Variants in NLK observed in about 807,000 individuals in gnomAD.
The protein encoded by NLK is serine/threonine-protein kinase NLK.
Under a neutral mutation model 59.0 loss-of-function variants are expected in NLK, and 11 were observed. The observed-to-expected ratio is 0.19, with a 90% CI of 0.12 to 0.31. The LOEUF is 0.31. NLK is among the 10% of genes least tolerant of loss of function. The probability of loss-of-function intolerance (pLI) is 1.00; values close to 1 mark genes in which losing one functional copy is unlikely to be tolerated. For missense variants in NLK, 410 were observed against 661.1 expected (o/e 0.62, Z 4.16); for synonymous variants, 235 against 235.9 (o/e 1.00, Z 0.03).
intron 3 of NLK, among the ~76,000 whole-genome samples, chr17:28,159,820 TTG>T (rs1248709912): frequency 6.6e-6 from 1 of 152,214 alleles, no homozygotes; most frequent in Non-Finnish European, 1.5e-5. Context: ...TCTAGCAGTC[TTG>T]GGCCAGAGTA....
At chr17:28,047,529 A>G (rs929927150) in intron 1 of NLK, among the ~76,000 whole-genome samples, 1 of 152,254 alleles carries the variant, frequency 6.6e-6, no homozygotes, top group Non-Finnish European at 1.5e-5. Context: ...ATGGATTTAT[A>G]TACTGGGAAA....
intron 4 of NLK, 70 bp downstream of exon 4, chr17:28,161,336 T>C: frequency 1.2e-6 from 1 of 810,510 alleles, no homozygotes; most frequent in South Asian, 1.6e-5. Flanking sequence ...TCATTTAGAC[T>C]TTAATCCGAT....
intron 1 of NLK, among the ~76,000 whole-genome samples, chr17:28,080,967 G>T (rs557231956): frequency 2.2e-4 from 33 of 151,818 alleles, no homozygotes; most frequent in South Asian, 6.3e-4. Flanking sequence ...ATGGCTCACT[G>T]CAGCATCAAC....
intron 1 of NLK, among the ~76,000 whole-genome samples, chr17:28,069,015 A>G (rs1463819325): frequency 6.6e-6 from 1 of 152,160 alleles, no homozygotes; most frequent in Non-Finnish European, 1.5e-5. Flanking sequence ...GTACCACCCA[A>G]TCAAGATACA....
At chr17:28,064,992 A>G (rs534146119) in intron 1 of NLK, among the ~76,000 whole-genome samples, 61 of 152,350 alleles carry the variant, frequency 4.0e-4, no homozygotes, top group African/African-American at 1.4e-3. Context: ...GGAGAAAAAC[A>G]GTGATTAATT....
chr17:28,158,419 A>C (rs1277608778), intron 3 of NLK, among the ~76,000 whole-genome samples: 2 of 152,204 alleles, frequency 1.3e-5, no homozygotes, highest in Non-Finnish European at 2.9e-5. Flanking sequence ...TGAATTTGAA[A>C]GCCTAGAACA....
At chr17:28,119,769 C>T (rs1301267979) in intron 1 of NLK, among the ~76,000 whole-genome samples, 1 of 152,144 alleles carries the variant, frequency 6.6e-6, no homozygotes, top group Non-Finnish European at 1.5e-5. Flanking sequence ...CTGGCAGACA[C>T]CTCATTCAAG....
At chr17:28,109,313 GA>G (rs1905361133) in intron 1 of NLK, among the ~76,000 whole-genome samples, 1 of 152,160 alleles carries the variant, frequency 6.6e-6, no homozygotes, top group Non-Finnish European at 1.5e-5. Flanking sequence ...AATAAAATCA[GA>G]ATAGGGCCTA....
At chr17:28,156,386 CATT>C (rs781133821) in intron 3 of NLK, among the ~76,000 whole-genome samples, 3 of 152,150 alleles carry the variant, frequency 2.0e-5, no homozygotes, top group Non-Finnish European at 2.9e-5. Flanking sequence ...ACAATTATGC[CATT>C]ATCACACCTA....
chr17:28,134,396 G>A (rs949652934), intron 3 of NLK, among the ~76,000 whole-genome samples: 3 of 151,992 alleles, frequency 2.0e-5, no homozygotes, highest in South Asian at 2.1e-4. Flanking sequence ...GTGAGACCTC[G>A]CCCTCCCGCC....
intron 3 of NLK, among the ~76,000 whole-genome samples, chr17:28,146,143 G>A (rs1196326926): frequency 6.6e-6 from 1 of 152,154 alleles, no homozygotes; most frequent in Non-Finnish European, 1.5e-5. Context: ...ATATCAGGCA[G>A]CTCTGAGTTC....
chr17:28,185,095 C>A, intron 7 of NLK, 84 bp from the exon 8 acceptor site: 1 of 717,194 alleles, frequency 1.4e-6, no homozygotes, highest in Non-Finnish European at 2.2e-6. Flanking sequence ...GAACTGAGTA[C>A]TTACCTTATC....
chr17:28,102,597 C>A (rs1356637481), intron 1 of NLK, among the ~76,000 whole-genome samples: 1 of 148,758 alleles, frequency 6.7e-6, no homozygotes. Flanking sequence ...TGCAGTGAGC[C>A]GAGATCACAC....
At chr17:28,161,111 G>A (rs1357411765) in intron 3 of NLK, 49 bp from the exon 4 acceptor site, 4 of 975,548 alleles carry the variant, frequency 4.1e-6, no homozygotes, top group Admixed American at 1.8e-5. Context: ...CCACTTTGAG[G>A]GGGTAGGGGA....
chr17:28,157,409 T>G (rs1907810976), intron 3 of NLK, among the ~76,000 whole-genome samples: 1 of 152,106 alleles, frequency 6.6e-6, no homozygotes, highest in African/African-American at 2.4e-5. Flanking sequence ...CAGGCTCGTC[T>G]CAAACTTCTG....
chr17:28,203,502 G>C, the NLK span, among the ~76,000 whole-genome samples: 1 of 151,978 alleles, frequency 6.6e-6, no homozygotes, highest in Non-Finnish European at 1.5e-5. Context: ...TCCACTCCTC[G>C]AGGCAGAGCC....
At chr17:28,051,112 A>G (rs1353852938) in intron 1 of NLK, among the ~76,000 whole-genome samples, 1 of 151,258 alleles carries the variant, frequency 6.6e-6, no homozygotes, top group Non-Finnish European at 1.5e-5. Flanking sequence ...GAAAATTAAG[A>G]TGGAGAAAAG....
At chr17:28,080,539 G>A (rs1910309691) in intron 1 of NLK, among the ~76,000 whole-genome samples, 1 of 152,164 alleles carries the variant, frequency 6.6e-6, no homozygotes, top group South Asian at 2.1e-4. Flanking sequence ...GTAATGCCTG[G>A]CTAGGGGAAA....
intron 1 of NLK, among the ~76,000 whole-genome samples, chr17:28,082,086 GT>G (rs1910366051): frequency 6.6e-6 from 1 of 152,100 alleles, no homozygotes; most frequent in African/African-American, 2.4e-5. Flanking sequence ...TAGAGATGGG[GT>G]TTTGCTATGT....
Sources: gnomAD v4.1 joint callset for allele counts (sites outside exome capture counted in the v4.1 genomes callset) on GRCh38, gnomAD v4.1.1 for gene constraint, MANE v1.5 for transcripts, NCBI Gene and HGNC (gene_info 2026-07-23, HGNC 2026-07-21) for gene names.